FLNB: variants seen among roughly 807,000 people sequenced by gnomAD.
FLNB encodes the protein filamin B.
Under a neutral mutation model 250.6 loss-of-function variants are expected in FLNB, and 111 were observed. The observed-to-expected ratio is 0.44, with a 90% confidence interval of 0.38 to 0.52. The LOEUF (loss-of-function observed/expected upper bound fraction) is 0.52. Among genes scored for constraint, FLNB ranks in the 20% least tolerant of loss-of-function variants. FLNB has a pLI of 0.00. For missense variants in FLNB, 2,869 were observed against 3,447.8 expected, an observed-to-expected ratio of 0.83 and a Z score of 4.20; for synonymous variants, 1,302 against 1,372.1, an observed-to-expected ratio of 0.95 and a Z score of 1.13.
intron 1 of FLNB, among the ~76,000 whole-genome samples, chr3:58,015,187 C>T (rs745324790): frequency 1.3e-5 from 2 of 152,222 alleles, no homozygotes; most frequent in East Asian, 3.8e-4. Flanking sequence ...CCTTTCTGTG[C>T]CTGCTTCCCT....
intron 1 of FLNB, among the ~76,000 whole-genome samples, chr3:58,035,233 C>G (rs528529898): frequency 1.2e-4 from 18 of 152,286 alleles, no homozygotes; most frequent in Middle Eastern, 6.8e-3. Flanking sequence ...ACAGGCAGAT[C>G]AAACAGGAAA....
In FLNB at chr3:58,109,319, C is replaced by T. The variant is rs1163385389; in HGVS notation, c.2196C>T (p.Tyr732=). ...WGGVNIPHSP[Y]RVNIGQGSHP... ...GCGTGAACATCCCGCACAGCCCCTA[C>T]AGGGTAGGTTGTGAGGCAGAATCCT... Residue 732 remains tyrosine, a synonymous_variant, in exon 14 of 46, where the codon TAC becomes TAT. Coordinates refer to ENST00000295956, the MANE Select transcript of FLNB (RefSeq NM_001457.4). 9 of 1,613,280 alleles carry T rather than the reference C, an allele frequency of 5.6e-6. No individual in the cohort carries two copies. In the African/African-American group the frequency reaches 6.7e-5, roughly 12 times the overall value.
intron 7 of FLNB, among the ~76,000 whole-genome samples, chr3:58,098,187 C>G (rs1317163323): frequency 6.6e-6 from 1 of 152,244 alleles, no homozygotes; most frequent in Non-Finnish European, 1.5e-5. Flanking sequence ...AGACATACTT[C>G]TTGAATTGTT....
Position 58,098,476 on chromosome 3 carries a change from G to A in FLNB, c.1148-235G>A, listed in dbSNP as rs535642331. Among the ~76,000 whole-genome samples, 11 of 152,246 alleles carry A rather than the reference G, an allele frequency of 7.2e-5. No individual in the cohort carries two copies. The East Asian group carries it at 9.7e-4, about 13-fold the overall frequency. ...CTCTCAAGTAGCTGGGATTACAGGCGTGCGCCACCATGCTTGGCTAATTTT... is the reference window on the plus strand; with the variant it reads ...CTCTCAAGTAGCTGGGATTACAGGCATGCGCCACCATGCTTGGCTAATTTT... On this transcript the variant is annotated intron_variant, in intron 7 of 45. Coordinates refer to ENST00000295956, the MANE Select transcript of FLNB (RefSeq NM_001457.4).
intron 4 of FLNB, among the ~76,000 whole-genome samples, chr3:58,084,440 G>A (rs2097214066): frequency 6.6e-6 from 1 of 152,074 alleles, no homozygotes; most frequent in South Asian, 2.1e-4. Flanking sequence ...CTTTCACGGT[G>A]CTATTTTCTA....
intron 19 of FLNB, among the ~76,000 whole-genome samples, chr3:58,119,352 A>G (rs1053896519): frequency 2.6e-5 from 4 of 152,180 alleles, no homozygotes; most frequent in African/African-American, 4.8e-5. Flanking sequence ...AATTTGGGCT[A>G]TGTTGCTTTC....
rs562026447 is a variant in FLNB at position 58,170,508 on chromosome 3, A to C, written c.7622-67A>C. The C allele has an allele frequency of 9.4e-5, 143 of 1,518,418 alleles. 1 individual carries two copies. Among genetic ancestry groups the C allele is most frequent in the Non-Finnish European group, 2.6e-5 (29 of 1,099,768 alleles). The allele number at this position is 1,518,418 out of a possible 1,614,324, so 94.1% of individuals were successfully genotyped here. On this transcript the variant is annotated intron_variant, in intron 45 of 45. Coordinates refer to ENST00000295956, the MANE Select transcript of FLNB (RefSeq NM_001457.4). Reference sequence around the variant, plus strand: ...TGGAAGCACCTTACCTTTGGCTCTCATATTTCCTCTTCTTCCTGTGCCTGT... The same window carrying C: ...TGGAAGCACCTTACCTTTGGCTCTCCTATTTCCTCTTCTTCCTGTGCCTGT...
chr3:58,080,609 C>T (rs561045444), intron 3 of FLNB, among the ~76,000 whole-genome samples: 1 of 150,474 alleles, frequency 6.6e-6, no homozygotes. Context: ...ATTCTCCTGT[C>T]TCAGCCTCCC....
chr3:58,096,113 T>C, intron 5 of FLNB, 28 bp from the exon 6 acceptor site: 1 of 1,585,554 alleles, frequency 6.3e-7, no homozygotes, highest in Non-Finnish European at 8.7e-7. Flanking sequence ...CGGCACCTTT[T>C]CTAACTGTTG....
chr3:58,161,489 A>G (rs897598249), intron 42 of FLNB, among the ~76,000 whole-genome samples: 21 of 152,122 alleles, frequency 1.4e-4, no homozygotes, highest in African/African-American at 4.6e-4. Flanking sequence ...CTTAAAGCCA[A>G]TGTGCTTCAG....
intron 1 of FLNB, among the ~76,000 whole-genome samples, chr3:58,066,182 TTTC>T (rs1230992539): frequency 1.3e-5 from 2 of 152,110 alleles, no homozygotes; most frequent in African/African-American, 2.4e-5. Flanking sequence ...CTATACTTTT[TTTC>T]TTCTTCTTTA....
chr3:58,102,790 A>T (rs1208894612), intron 9 of FLNB, among the ~76,000 whole-genome samples: 1 of 152,216 alleles, frequency 6.6e-6, no homozygotes, highest in South Asian at 2.1e-4. Flanking sequence ...TATGTCAAGT[A>T]CTTAATTACT....
intron 19 of FLNB, among the ~76,000 whole-genome samples, chr3:58,120,362 G>A (rs377114067): frequency 1.8e-4 from 28 of 152,354 alleles, no homozygotes; most frequent in Admixed American, 1.7e-3. Flanking sequence ...CCTCTTTTCC[G>A]GTGGGAAGTA....
chr3:58,083,274 C>T (rs1376445311), intron 4 of FLNB, among the ~76,000 whole-genome samples: 2 of 130,792 alleles, frequency 1.5e-5, no homozygotes, highest in South Asian at 2.6e-4. Context: ...CACTGACTTT[C>T]TGAATAGTTA....
At position 58,125,725 on chromosome 3, in the gene FLNB, T is replaced by A. The variant is rs899942617; in HGVS notation, c.4043T>A (p.Val1348Asp). The change falls in exon 23 of 46, where the codon GTC (valine) becomes GAC (aspartate). Residue 1348 changes from valine (V) to aspartate (D), a missense_variant. Coordinates refer to ENST00000295956, the MANE Select transcript of FLNB (RefSeq NM_001457.4). ...GAGGCCTTTACCAACAAGCCCAATGTCTTCACCGTGGTTACCAGGTAGGCA... is the reference window on the plus strand; with the variant it reads ...GAGGCCTTTACCAACAAGCCCAATGACTTCACCGTGGTTACCAGGTAGGCA... Reference protein sequence around the residue: ...LKEAFTNKPNVFTVVTRGAGI... With the variant: ...LKEAFTNKPNDFTVVTRGAGI... 5 of 1,614,076 alleles carry A rather than the reference T, an allele frequency of 3.1e-6. No individual in the cohort carries two copies. In the African/African-American group the frequency reaches 4.0e-5, roughly 13 times the overall value.
At position 58,094,998 on chromosome 3, in the gene FLNB, G is replaced by A. The variant is rs377452206; in HGVS notation, c.906+44G>A. On this transcript the variant is annotated intron_variant, in intron 5 of 45. Coordinates refer to ENST00000295956, the MANE Select transcript of FLNB (RefSeq NM_001457.4). ...CCTCTCCTTTCCAGCACCTCATGGA[G>A]CTTTTGGGGCTTGTAATGCGGCCAG... The A allele has an allele frequency of 4.4e-5, 63 of 1,437,564 alleles. No individual in the cohort carries two copies. In the African/African-American group the frequency reaches 7.7e-4, roughly 18 times the overall value. 89.1% of individuals were successfully genotyped at this position (1,437,564 alleles called of 1,614,324 possible). A position where few individuals can be genotyped will look rare whatever the true frequency, so the allele number is the denominator to read the frequency against.
intron 1 of FLNB, among the ~76,000 whole-genome samples, chr3:58,031,078 C>T (rs548697342): frequency 3.9e-5 from 6 of 151,954 alleles, no homozygotes; most frequent in South Asian, 2.1e-4. Context: ...TTTTGGATAA[C>T]GGTTTCTGGG....
chr3:58,028,616 CTTTT>C (rs58801511), intron 1 of FLNB, among the ~76,000 whole-genome samples: 3 of 139,166 alleles, frequency 2.2e-5, no homozygotes, highest in Non-Finnish European at 1.6e-5. Flanking sequence ...TTTTTCTTTT[CTTTT>C]TTTTTTTTTT....
chr3:58,159,110 C>T (rs2097357571), intron 41 of FLNB, among the ~76,000 whole-genome samples: 1 of 152,166 alleles, frequency 6.6e-6, no homozygotes, highest in South Asian at 2.1e-4. Context: ...TAATATGTTC[C>T]TCCAGGTCTG....
Sources: gnomAD v4.1 joint callset for allele counts (sites outside exome capture counted in the v4.1 genomes callset) on GRCh38, gnomAD v4.1.1 for gene constraint, MANE v1.5 for transcripts, NCBI Gene and HGNC (gene_info 2026-07-23, HGNC 2026-07-21) for gene names.